DCAF8L2: variants seen among roughly 807,000 people sequenced by gnomAD.
DCAF8L2 encodes DDB1 and CUL4 associated factor 8 like 2, also known as DDB1- and CUL4-associated factor 8-like protein 2.
For missense variants in DCAF8L2, 430 were observed against 490.7 expected (o/e 0.88, Z 1.17); for synonymous variants, 200 against 190.9 (o/e 1.05, Z -0.39).
Position 27,748,857 on chromosome X carries a change from A to G in DCAF8L2, c.*66A>G, listed in dbSNP as rs1381791677. The G allele has an allele frequency of 9.1e-7, 1 of 1,093,046 alleles. No homozygotes were observed. Among genetic ancestry groups the G allele is most frequent in the East Asian group, 3.1e-5 (1 of 32,576 alleles). The allele number at this position is 1,093,046 out of a possible 1,213,427, so 90.1% of individuals were successfully genotyped here. ...CTGGACTTTAAAATTCAGTTTGACT[A>G]ATTTAGAATTGTCAATAGATTAATA... On this transcript the variant is annotated 3_prime_UTR_variant, in exon 5 of 5. Transcript: ENST00000451261.
At chrX:27,690,835 G>A (rs1930687859) in intron 3 of DCAF8L2, among the ~76,000 whole-genome samples, 1 of 111,087 alleles carries the variant, frequency 9.0e-6, no homozygotes, top group African/African-American at 3.3e-5. Flanking sequence ...CAATTGAATC[G>A]ACACAAAAAG....
chrX:27,626,147 A>C (rs1218737645), intron 1 of DCAF8L2, among the ~76,000 whole-genome samples: 1 of 112,047 alleles, frequency 8.9e-6, no homozygotes, highest in Non-Finnish European at 1.9e-5. Context: ...TTGAGGGAGC[A>C]GCAGGAGTAG....
At chrX:27,742,462 G>A (rs1454033065) in intron 4 of DCAF8L2, among the ~76,000 whole-genome samples, 2 of 109,717 alleles carry the variant, frequency 1.8e-5, no homozygotes, top group Admixed American at 1.9e-4. Context: ...CCAGCTACTC[G>A]GGAGACTGAG....
Position 27,748,636 on chromosome X carries a change from T to G in DCAF8L2, c.1741T>G (p.Trp581Gly). The part of the protein sequence containing the change: ...HGSLFDQYML[W>G]FLLRHVTQRG... ...CAGCCTGTTTGACCAGTACATGCTT[T>G]GGTTCCTCCTGCGTCACGTGACGCA... Residue 581 changes from tryptophan to glycine, a missense_variant, in exon 5 of 5, where the codon TGG becomes GGG. Physicochemically the swap from Trp to Gly is radical, Grantham distance 184. Coordinates refer to ENST00000451261, the MANE Select transcript of DCAF8L2 (RefSeq NM_001353450.2). The G allele has an allele frequency of 8.3e-7, 1 of 1,200,488 alleles. No individual in the cohort carries two copies. Among genetic ancestry groups the G allele is most frequent in the Non-Finnish European group, 1.1e-6 (1 of 888,888 alleles).
chrX:27,650,161 T>C (rs1312775903), intron 2 of DCAF8L2, among the ~76,000 whole-genome samples: 4 of 111,600 alleles, frequency 3.6e-5, no homozygotes, highest in African/African-American at 1.3e-4. Context: ...TATGTGTCTG[T>C]TTTTGTACCA....
At position 27,749,384 on chromosome X, in the gene DCAF8L2, C is replaced by T. The variant is rs1922453731; in HGVS notation, c.*593C>T. On this transcript the variant is annotated 3_prime_UTR_variant, in exon 5 of 5. Transcript: ENST00000451261. ...GATTAATTCTTAACACTTGGCCATA[C>T]GCAGACACAGTCTCAGAAAAGGAAA... Among the ~76,000 whole-genome samples, 2 of 111,009 alleles carry T rather than the reference C, an allele frequency of 1.8e-5. No individual in the cohort carries two copies. The highest frequency in any genetic ancestry group is 9.6e-5 in the Admixed American group (1 of 10,378).
chrX:27,682,272 A>C (rs1930356696), intron 3 of DCAF8L2, among the ~76,000 whole-genome samples: 1 of 111,788 alleles, frequency 8.9e-6, no homozygotes, highest in Admixed American at 9.5e-5. Context: ...GCTGGTTTTA[A>C]TTTTACAATG....
At chrX:27,606,694 G>A (rs1245283770) in intron 1 of DCAF8L2, among the ~76,000 whole-genome samples, 1 of 109,589 alleles carries the variant, frequency 9.1e-6, no homozygotes, top group Non-Finnish European at 1.9e-5. Flanking sequence ...ATATTTTTCT[G>A]AGTTCAAATA....
chrX:27,669,483 A>T (rs1299139080), intron 2 of DCAF8L2, among the ~76,000 whole-genome samples: 7 of 108,154 alleles, frequency 6.5e-5, no homozygotes, highest in African/African-American at 2.4e-4. Flanking sequence ...TTTATTTTTT[A>T]TTTTTATTAT....
At chrX:27,514,526 G>A in the DCAF8L2 span, among the ~76,000 whole-genome samples, 3 of 104,799 alleles carry the variant, frequency 2.9e-5, no homozygotes, top group East Asian at 6.1e-4. Flanking sequence ...AAAATTAGCC[G>A]GGCGTAGTGG....
chrX:27,692,781 G>A (rs1227802891), intron 3 of DCAF8L2, among the ~76,000 whole-genome samples: 1 of 111,204 alleles, frequency 9.0e-6, no homozygotes, highest in Non-Finnish European at 1.9e-5. Flanking sequence ...AGTTTCTGGA[G>A]ACACTCTTGA....
chrX:27,726,818 A>C (rs1932085189), intron 4 of DCAF8L2, among the ~76,000 whole-genome samples: 1 of 111,932 alleles, frequency 8.9e-6, no homozygotes. Context: ...TCATTCTTGC[A>C]TGACATTTTG....
the DCAF8L2 span, among the ~76,000 whole-genome samples, chrX:27,528,076 TA>T: frequency 1.3e-5 from 1 of 76,248 alleles, no homozygotes. Flanking sequence ...TTAATTTAAT[TA>T]AATTAATTAT....
chrX:27,535,654 C>A, the DCAF8L2 span, among the ~76,000 whole-genome samples: 1 of 112,043 alleles, frequency 8.9e-6, no homozygotes, highest in Non-Finnish European at 1.9e-5. Flanking sequence ...TGAATAACTT[C>A]ATGGTGCCAG....
At chrX:27,732,291 A>C (rs1357835112) in intron 4 of DCAF8L2, among the ~76,000 whole-genome samples, 1 of 110,040 alleles carries the variant, frequency 9.1e-6, no homozygotes, top group Non-Finnish European at 1.9e-5. Context: ...TCCTTCTCCC[A>C]CCTACCCTGG....
At chrX:27,664,826 A>G (rs1412469146) in intron 2 of DCAF8L2, among the ~76,000 whole-genome samples, 1 of 111,391 alleles carries the variant, frequency 9.0e-6, no homozygotes, top group South Asian at 3.8e-4. Flanking sequence ...TAGAAAAAAA[A>G]GCCTGCATGG....
At chrX:27,522,884 G>C in the DCAF8L2 span, among the ~76,000 whole-genome samples, 1 of 111,611 alleles carries the variant, frequency 9.0e-6, no homozygotes, top group Admixed American at 9.6e-5. Context: ...GAAATAGGGA[G>C]CAGACTCATG....
chrX:27,617,532 T>G (rs1224217348), intron 1 of DCAF8L2, among the ~76,000 whole-genome samples: 1 of 111,356 alleles, frequency 9.0e-6, no homozygotes, highest in Non-Finnish European at 1.9e-5. Context: ...GGTTCCCTAA[T>G]TTGCTTATTT....
chrX:27,531,088 A>C, the DCAF8L2 span, among the ~76,000 whole-genome samples: 1 of 112,153 alleles, frequency 8.9e-6, no homozygotes, highest in African/African-American at 3.2e-5. Flanking sequence ...AAAGTGTGTA[A>C]GAATGAGCAT....
Sources: gnomAD v4.1 joint callset for allele counts (sites outside exome capture counted in the v4.1 genomes callset) on GRCh38, gnomAD v4.1.1 for gene constraint, MANE v1.5 for transcripts, NCBI Gene and HGNC (gene_info 2026-07-23, HGNC 2026-07-21) for gene names.